The following PCDHA9 variants were observed in gnomAD, a reference collection of about 807,000 sequenced individuals.
PCDHA9 encodes the protein protocadherin alpha 9.
In PCDHA9, 62 loss-of-function variants were observed where a neutral mutation model predicts 62.0. That is an observed-to-expected ratio of 1.00 (90% CI 0.81 to 1.23). The LOEUF is 1.23. PCDHA9 is among the 50% of genes most tolerant of loss of function. The probability of loss-of-function intolerance (pLI) is 0.00; values close to 1 mark genes in which losing one functional copy is unlikely to be tolerated. For missense variants in PCDHA9, 1,205 were observed against 1,249.8 expected (o/e 0.96, Z 0.54); for synonymous variants, 557 against 567.6 (o/e 0.98, Z 0.27).
chr5:140,952,406 T>G (rs2094740405), intron 1 of PCDHA9, among the ~76,000 whole-genome samples: 1 of 151,900 alleles, frequency 6.6e-6, no homozygotes, highest in Admixed American at 6.6e-5. Flanking sequence ...ATTCTCAAAT[T>G]TAATGTTCCG....
intron 1 of PCDHA9, chr5:140,856,843 T>G: frequency 6.3e-7 from 1 of 1,593,286 alleles, no homozygotes; most frequent in South Asian, 1.1e-5. Context: ...GGCTCAACGC[T>G]TCTGATTCGG....
chr5:140,983,526 A>G (rs1421450953), intron 3 of PCDHA9, among the ~76,000 whole-genome samples: 3 of 152,230 alleles, frequency 2.0e-5, no homozygotes, highest in Admixed American at 2.0e-4. Flanking sequence ...TGCCAAGTAC[A>G]TTGTATGTGT....
chr5:140,966,968 G>C, intron 1 of PCDHA9: 2 of 1,602,616 alleles, frequency 1.2e-6, no homozygotes, highest in Non-Finnish European at 1.7e-6. Context: ...GCTGGGGCTT[G>C]AGCTGCGGCG....
intron 1 of PCDHA9, chr5:140,852,531 C>G (rs1197831362): frequency 2.2e-6 from 1 of 450,452 alleles, no homozygotes; most frequent in African/African-American, 2.1e-5. Context: ...CCACCTCGGC[C>G]TCCCAAAGTG....
intron 3 of PCDHA9, among the ~76,000 whole-genome samples, chr5:140,993,629 T>G (rs1359195159): frequency 5.9e-5 from 9 of 152,160 alleles, no homozygotes; most frequent in Non-Finnish European, 1.0e-4. Flanking sequence ...CTATATATAG[T>G]CGTGTACCAA....
rs201902460 is a variant in PCDHA9 at position 140,856,564 on chromosome 5, T to G, written c.2394+5675T>G. 3.5e-5 allele frequency: 56 copies of G among 1,597,706 alleles called. 2 individuals are homozygous for G. The highest frequency in any genetic ancestry group is 8.8e-5 in the South Asian group (8 of 90,522). Reference sequence around the variant, plus strand: ...ACGCATTGCTTACTTACAAACTCAGTCCAAATGAGTATTTTGTTCTTGATA... The same window carrying G: ...ACGCATTGCTTACTTACAAACTCAGGCCAAATGAGTATTTTGTTCTTGATA... On this transcript the variant is annotated intron_variant, in intron 1 of 3. Transcript: ENST00000532602.
chr5:140,866,385 A>G (rs1211864168), intron 1 of PCDHA9: 3 of 152,140 alleles, frequency 2.0e-5, no homozygotes, highest in Non-Finnish European at 2.9e-5. Flanking sequence ...ACAATTTTAA[A>G]GACATAGATT....
intron 1 of PCDHA9, among the ~76,000 whole-genome samples, chr5:140,905,373 G>C (rs556428182): frequency 3.1e-4 from 47 of 152,236 alleles, no homozygotes; most frequent in Non-Finnish European, 4.6e-4. Context: ...CTGGTTCTCT[G>C]TTCTGTTTCA....
chr5:140,946,165 G>C (rs1554217364), intron 1 of PCDHA9, among the ~76,000 whole-genome samples: 1 of 151,838 alleles, frequency 6.6e-6, no homozygotes, highest in Non-Finnish European at 1.5e-5. Context: ...TTAAAAGATG[G>C]GTAAAGGATG....
intron 3 of PCDHA9, among the ~76,000 whole-genome samples, chr5:141,009,358 C>G (rs993815936): frequency 8.5e-5 from 13 of 152,116 alleles, no homozygotes; most frequent in Admixed American, 6.6e-5. Flanking sequence ...ACTTGGGAGG[C>G]TAAGATGGGA....
intron 1 of PCDHA9, among the ~76,000 whole-genome samples, chr5:140,952,114 A>G (rs246038): frequency 0.56 from 85,531 of 151,814 alleles, 24,721 homozygotes; most frequent in African/African-American, 0.69. Flanking sequence ...CGTGTGAGGG[A>G]TGGGCTCCCA....
intron 1 of PCDHA9, among the ~76,000 whole-genome samples, chr5:140,950,689 A>G (rs1585383013): frequency 2.6e-5 from 4 of 152,212 alleles, no homozygotes; most frequent in Admixed American, 2.6e-4. Flanking sequence ...ATTGTTAACC[A>G]AATTTGACAA....
intron 1 of PCDHA9, among the ~76,000 whole-genome samples, chr5:140,915,331 T>G (rs1485344164): frequency 6.6e-6 from 1 of 152,184 alleles, no homozygotes; most frequent in Non-Finnish European, 1.5e-5. Context: ...TGTTATAATA[T>G]TCTGTGTTTT....
chr5:140,992,393 A>C (rs2097508684), intron 3 of PCDHA9, among the ~76,000 whole-genome samples: 1 of 152,180 alleles, frequency 6.6e-6, no homozygotes, highest in South Asian at 2.1e-4. Context: ...TTCTGGACTT[A>C]GAGATATTGT....
Position 140,877,874 on chromosome 5 carries a change from C to T in PCDHA9, c.2394+26985C>T, listed in dbSNP as rs782471585. The T allele has an allele frequency of 2.7e-6, 4 of 1,477,338 alleles. No homozygotes were observed. The African/African-American group carries it at 5.7e-5, about 21-fold the overall frequency. The allele number at this position is 1,477,338 out of a possible 1,614,324, so 91.5% of individuals were successfully genotyped here. ...TAATATTATTTAGATATATTTGTTT[C>T]CTTGAAGAACTTCCGTTTAGGTTAT... is the stretch of plus-strand genomic sequence containing the variant. On this transcript the variant is annotated intron_variant, in intron 1 of 3. Transcript: ENST00000532602.
rs1554214039 is a variant in PCDHA9 at position 140,941,214 on chromosome 5, C to CTTTCTTTCTTTCTTTCTTTCTTTCTTT, written c.2395-37735_2395-37734insTTTCTTTCTTTCTTTCTTTCTTTCTTT. ...TTTTTTCTTTCTTCCTTTCTTTCTTCCTTTCTTTCTTTCTTTCTTTCTTTC... is the reference window on the plus strand; with the variant it reads ...TTTTTTCTTTCTTCCTTTCTTTCTTCTTTCTTTCTTTCTTTCTTTCTTTCTTTCTTTCTTTCTTTCTTTCTTTCTTTC... On this transcript the variant is annotated intron_variant, in intron 1 of 3. Coordinates refer to ENST00000532602, the MANE Select transcript of PCDHA9 (RefSeq NM_031857.2). Among the ~76,000 whole-genome samples the CTTTCTTTCTTTCTTTCTTTCTTTCTTT allele has an allele frequency of 4.7e-4, 57 of 122,484 alleles. 1 individual carries two copies. The highest frequency in any genetic ancestry group is 1.6e-3 in the East Asian group (7 of 4,322). The allele number at this position is 122,484 out of a possible 152,430, so 80.4% of individuals were successfully genotyped here.
intron 1 of PCDHA9, chr5:140,858,817 G>T: frequency 2.9e-6 from 1 of 345,470 alleles, no homozygotes; most frequent in African/African-American, 2.2e-5. Flanking sequence ...TGATTTGATT[G>T]TATTTGCATT....
chr5:140,850,112 C>T lies in PCDHA9; in HGVS notation c.1617C>T (p.Asp539=), dbSNP rs2150468097. Residue 539 remains aspartate, a synonymous_variant, in exon 1 of 4, where the codon GAC becomes GAT. Coordinates refer to ENST00000532602, the MANE Select transcript of PCDHA9 (RefSeq NM_031857.2). ...TACAGTTCCAGGTGAGCGCGCGCGA[C>T]GCGGGCGTGCCGCCTCTGGGCAGCA... The part of the protein sequence containing the change: ...ELLQFQVSAR[D]AGVPPLGSNV... 91 of 1,595,906 alleles carry T rather than the reference C, an allele frequency of 5.7e-5. 9 individuals are homozygous for T. The highest frequency in any genetic ancestry group is 5.9e-5 in the Non-Finnish European group (69 of 1,167,846).
intron 1 of PCDHA9, among the ~76,000 whole-genome samples, chr5:140,899,225 A>G (rs1479429839): frequency 6.6e-6 from 1 of 152,038 alleles, no homozygotes; most frequent in African/African-American, 2.4e-5. Flanking sequence ...TTCCAACACT[A>G]TGTTGAATAG....
Sources: allele counts gnomAD v4.1 joint callset (sites outside exome capture counted in the v4.1 genomes callset), GRCh38; gene constraint gnomAD v4.1.1; transcripts MANE v1.5; gene names NCBI Gene and HGNC (gene_info 2026-07-23, HGNC 2026-07-21).